The following KCNN2 variants were observed in gnomAD, a reference collection of about 807,000 sequenced individuals.
The protein encoded by KCNN2 is small conductance calcium-activated potassium channel protein 2.
A neutral mutation model predicts 55.5 loss-of-function variants in KCNN2; 24 were observed. The ratio of observed to expected loss-of-function variants is 0.43; its 90% CI spans 0.31 to 0.61. The LOEUF (loss-of-function observed/expected upper bound fraction) is 0.61, where lower values mean the gene tolerates loss of function less well. KCNN2 is among the 20% of genes least tolerant of loss of function. KCNN2 has a pLI of 0.08. For synonymous variants in KCNN2, 431 were observed against 336.1 expected (o/e 1.28, Z -3.09); for missense variants, 754 against 853.6 (o/e 0.88, Z 1.45).
intron 2 of KCNN2, among the ~76,000 whole-genome samples, chr5:114,271,141 G>A (rs373164358): frequency 6.6e-6 from 1 of 152,036 alleles, no homozygotes; most frequent in Non-Finnish European, 1.5e-5. Flanking sequence ...TGATTGGTCC[G>A]TTTTACAGAG....
At chr5:114,075,352 A>G (rs1296623774) in intron 1 of KCNN2, among the ~76,000 whole-genome samples, 1 of 152,200 alleles carries the variant, frequency 6.6e-6, no homozygotes, top group African/African-American at 2.4e-5. Flanking sequence ...TAGCATTTCT[A>G]TGTATAATTT....
Position 114,252,033 on chromosome 5 carries a change from C to T in KCNN2, c.-185+30468C>T, listed in dbSNP as rs189599337. Among the ~76,000 whole-genome samples the T allele has an allele frequency of 2.0e-3, 308 of 151,746 alleles. 1 individual carries two copies. Among genetic ancestry groups the T allele is most frequent in the African/African-American group, 6.5e-3 (269 of 41,392 alleles). ...AGCTGGGATTATAGGCATGCCCCAC[C>T]AAGCCCGGCTAATTTTGTATTTTTA... is the stretch of plus-strand genomic sequence containing the variant. On this transcript the variant is annotated intron_variant, in intron 2 of 10. Coordinates refer to the KCNN2 transcript ENST00000512097.
At chr5:114,217,824 C>A (rs567542601) in intron 1 of KCNN2, among the ~76,000 whole-genome samples, 1 of 151,928 alleles carries the variant, frequency 6.6e-6, no homozygotes, top group African/African-American at 2.4e-5. Flanking sequence ...GAAGCCCAGA[C>A]TGGAAAAAAC....
intron 2 of KCNN2, among the ~76,000 whole-genome samples, chr5:114,289,425 A>G (rs60972484): frequency 0.073 from 10,662 of 146,708 alleles, 1,290 homozygotes; most frequent in African/African-American, 0.25. Flanking sequence ...CCAAGCATGG[A>G]GTACAGTGGG....
chr5:114,302,815 AAG>A (rs1442353158), intron 2 of KCNN2, among the ~76,000 whole-genome samples: 4 of 152,186 alleles, frequency 2.6e-5, no homozygotes, highest in Non-Finnish European at 5.9e-5. Context: ...TAGCTGCCAT[AAG>A]ACGGCTGAAT....
chr5:114,320,345 G>A (rs1756591104), intron 2 of KCNN2, among the ~76,000 whole-genome samples: 2 of 152,066 alleles, frequency 1.3e-5, no homozygotes, highest in South Asian at 4.2e-4. Flanking sequence ...CGGGTGCTGT[G>A]CCTCACGCCT....
chr5:114,211,301 G>C (rs1288025581), intron 1 of KCNN2, among the ~76,000 whole-genome samples: 1 of 152,068 alleles, frequency 6.6e-6, no homozygotes. Context: ...CAAAGACATG[G>C]AACCAACCTA....
chr5:114,169,201 C>A (rs1752980012), intron 1 of KCNN2, among the ~76,000 whole-genome samples: 1 of 152,046 alleles, frequency 6.6e-6, no homozygotes, highest in Non-Finnish European at 1.5e-5. Flanking sequence ...CATAAATTAC[C>A]CAGTCTTAGA....
At chr5:114,440,804 A>G (rs1760177241) in intron 3 of KCNN2, among the ~76,000 whole-genome samples, 1 of 141,450 alleles carries the variant, frequency 7.1e-6, no homozygotes, top group Admixed American at 7.5e-5. Context: ...GAATAGAAAA[A>G]TGTGTAGTAT....
intron 2 of KCNN2, among the ~76,000 whole-genome samples, chr5:114,390,415 A>G (rs1758418908): frequency 6.6e-6 from 1 of 152,158 alleles, no homozygotes; most frequent in African/African-American, 2.4e-5. Context: ...AGTAGCTACA[A>G]TCAGTGATGT....
At chr5:114,454,331 A>G (rs768753971) in intron 3 of KCNN2, among the ~76,000 whole-genome samples, 104 of 152,086 alleles carry the variant, frequency 6.8e-4, no homozygotes, top group Non-Finnish European at 1.1e-3. Context: ...TAGAAATCAG[A>G]TTCAAGTGTG....
intron 4 of KCNN2, among the ~76,000 whole-genome samples, chr5:114,466,507 A>C (rs1761460863): frequency 6.6e-6 from 1 of 152,024 alleles, no homozygotes; most frequent in African/African-American, 2.4e-5. Context: ...CACATCCTGA[A>C]AGCTATGAAT....
At chr5:114,123,528 A>G (rs978988653) in intron 1 of KCNN2, among the ~76,000 whole-genome samples, 1 of 117,752 alleles carries the variant, frequency 8.5e-6, no homozygotes, top group Non-Finnish European at 1.8e-5. Context: ...ACGCCCGGCT[A>G]ATTTTTTGTG....
At chr5:114,106,137 C>G (rs1339048616) in intron 1 of KCNN2, among the ~76,000 whole-genome samples, 2 of 151,334 alleles carry the variant, frequency 1.3e-5, no homozygotes, top group African/African-American at 2.4e-5. Flanking sequence ...TACCCAAAAT[C>G]TGGTTTCTAC....
At chr5:114,326,492 T>C (rs1756716520) in intron 2 of KCNN2, among the ~76,000 whole-genome samples, 1 of 152,144 alleles carries the variant, frequency 6.6e-6, no homozygotes, top group Non-Finnish European at 1.5e-5. Flanking sequence ...GGCTTCCAGA[T>C]AGGGAGTGCC....
intron 1 of KCNN2, among the ~76,000 whole-genome samples, chr5:114,148,457 C>T (rs777432631): frequency 6.6e-6 from 1 of 152,004 alleles, no homozygotes; most frequent in Non-Finnish European, 1.5e-5. Context: ...TGGAAATTGG[C>T]CACTGCTCTA....
chr5:114,079,844 T>TGA (rs370135875), intron 1 of KCNN2, among the ~76,000 whole-genome samples: 50 of 149,540 alleles, frequency 3.3e-4, no homozygotes, highest in South Asian at 1.7e-3. Context: ...TGTGTGTGTG[T>TGA]GAGAGAGAGA....
chr5:114,191,542 A>G (rs1753449322), intron 1 of KCNN2, among the ~76,000 whole-genome samples: 1 of 152,172 alleles, frequency 6.6e-6, no homozygotes, highest in Non-Finnish European at 1.5e-5. Context: ...TAAAAAAATT[A>G]TAATTTAAGT....
chr5:114,380,537 G>T (rs955720695), intron 2 of KCNN2, among the ~76,000 whole-genome samples: 1 of 152,172 alleles, frequency 6.6e-6, no homozygotes, highest in Non-Finnish European at 1.5e-5. Context: ...GCTTCAGTTT[G>T]TCATCTGGAA....
Sources: allele counts gnomAD v4.1 joint callset (sites outside exome capture counted in the v4.1 genomes callset), GRCh38; gene constraint gnomAD v4.1.1; transcripts MANE v1.5; gene names NCBI Gene and HGNC (gene_info 2026-07-23, HGNC 2026-07-21).